TMEM171: variants seen among roughly 807,000 people sequenced by gnomAD.
TMEM171 encodes transmembrane protein 171, also known as proline-rich protein PRP2.
TMEM171 carries 16 observed loss-of-function variants against 19.1 expected under a neutral mutation model. The ratio of observed to expected loss-of-function variants is 0.84; its 90% CI spans 0.57 to 1.27. The LOEUF is 1.27. Ranked by LOEUF, TMEM171 falls within the 50% of genes most tolerant of loss-of-function variation. TMEM171 has a pLI of 0.00. For synonymous variants in TMEM171, 153 were observed against 163.4 expected, an observed-to-expected ratio of 0.94 and a Z score of 0.48; for missense variants, 429 against 412.7, an observed-to-expected ratio of 1.04 and a Z score of -0.34.
intron 3 of TMEM171, among the ~76,000 whole-genome samples, chr5:73,130,448 C>T (rs1744302055): frequency 6.6e-6 from 1 of 152,152 alleles, no homozygotes; most frequent in Admixed American, 6.5e-5. Context: ...CAGTGAGCAG[C>T]AGGCACAGAG....
Position 73,120,678 on chromosome 5 carries a change from G to C in TMEM171, c.-87G>C. The C allele has an allele frequency of 1.0e-6, 1 of 984,304 alleles. No individual in the cohort carries two copies. Among genetic ancestry groups the C allele is most frequent in the South Asian group, 4.7e-5 (1 of 21,294 alleles). The allele number at this position is 984,304 out of a possible 1,614,324, so 61.0% of individuals were successfully genotyped here. A position where few individuals can be genotyped will look rare whatever the true frequency, so the allele number is the denominator to read the frequency against. On this transcript the variant is annotated 5_prime_UTR_variant, in exon 1 of 4. Transcript: ENST00000454765. ...TGCCCACAGCAGCGCGGTCAGCCAG[G>C]CGCCGGACCCAGCTTCAGGTAAGCT...
At chr5:73,121,972 T>C (rs1744018670) in intron 1 of TMEM171, among the ~76,000 whole-genome samples, 1 of 152,224 alleles carries the variant, frequency 6.6e-6, no homozygotes, top group South Asian at 2.1e-4. Context: ...ATCCCATTCA[T>C]TGGAGTAAAA....
chr5:73,127,562 G>A (rs1220508071), intron 2 of TMEM171, among the ~76,000 whole-genome samples: 5 of 150,498 alleles, frequency 3.3e-5, no homozygotes, highest in East Asian at 2.0e-4. Flanking sequence ...TCAGCCTCCC[G>A]AATAGCTGGG....
In TMEM171 at chr5:73,127,743, C is replaced by CT. The variant is rs1227330280; in HGVS notation, c.641-632dup. On this transcript the variant is annotated intron_variant, in intron 2 of 3. Coordinates refer to ENST00000454765, the MANE Select transcript of TMEM171 (RefSeq NM_173490.8). ...TACAGGCGTGAGCCACCACGCCTGGCTTTTTTTTTTTTTTTAAGACAGGGT... is the reference window on the plus strand; with the variant it reads ...TACAGGCGTGAGCCACCACGCCTGGCTTTTTTTTTTTTTTTTAAGACAGGGT... 6.9e-3 allele frequency among the ~76,000 whole-genome samples: 945 copies of CT among 136,426 alleles called. 7 individuals are homozygous for CT. Among genetic ancestry groups the CT allele is most frequent in the African/African-American group, 0.02 (738 of 36,814 alleles). 89.5% of individuals were successfully genotyped at this position (136,426 alleles called of 152,430 possible).
chr5:73,122,068 T>C (rs1744020558), intron 1 of TMEM171, among the ~76,000 whole-genome samples: 1 of 152,224 alleles, frequency 6.6e-6, no homozygotes. Context: ...ATTATACCCC[T>C]GAAGTACAGG....
rs766884894 is a variant in TMEM171, at chr5:73,131,607, G to A, written c.852G>A (p.Thr284=). 12 of 1,613,336 alleles carry A rather than the reference G, an allele frequency of 7.4e-6. No homozygotes were observed. Among genetic ancestry groups the A allele is most frequent in the Non-Finnish European group, 5.1e-6 (6 of 1,179,842 alleles). ...AATCTATATATACCATTTCTGGGAC[G>A]AATTCATCTTCTGAGGCCTCACACA... ...DCESIYTISG[T]NSSSEASHTP... is the part of the protein sequence containing the mutation. Residue 284 remains threonine, a synonymous_variant, in exon 4 of 4, where the codon ACG becomes ACA. Transcript: ENST00000454765.
chr5:73,123,592 T>C lies in TMEM171; in HGVS notation c.219T>C (p.Ala73=), dbSNP rs776319271. The part of the protein sequence containing the change: ...GPACAVVGLG[A]VILARSRAQL... ...CATGTGCCGTGGTTGGGCTTGGGGC[T>C]GTGATCCTGGCCCGCTCCCGGGCGC... The change falls in exon 2 of 4, where the codon GCT becomes GCC. Residue 73 remains alanine (A), a synonymous_variant. Transcript: ENST00000454765. The C allele has an allele frequency of 6.2e-7, 1 of 1,614,198 alleles. No individual in the cohort carries two copies. The highest frequency in any genetic ancestry group is 1.1e-5 in the South Asian group (1 of 91,082).
intron 2 of TMEM171, among the ~76,000 whole-genome samples, chr5:73,127,384 A>AAAAAAAAAAT: frequency 2.4e-5 from 2 of 81,696 alleles, no homozygotes; most frequent in South Asian, 4.4e-4. Context: ...AAAAAAAAAA[A>AAAAAAAAAAT]ATATATATAT....
intron 3 of TMEM171, among the ~76,000 whole-genome samples, chr5:73,130,926 C>G (rs1744337767): frequency 6.6e-6 from 1 of 152,126 alleles, no homozygotes; most frequent in Admixed American, 6.5e-5. Flanking sequence ...TCTGGCTTTT[C>G]TTGCATTAGT....
chr5:73,121,735 GCCTGT>G (rs1397620622), intron 1 of TMEM171, among the ~76,000 whole-genome samples: 2 of 151,834 alleles, frequency 1.3e-5, no homozygotes, highest in African/African-American at 2.4e-5. Context: ...GTGTAAGATT[GCCTGT>G]TTGCTTTCTT....
chr5:73,121,876 C>A (rs1311761931), intron 1 of TMEM171, among the ~76,000 whole-genome samples: 3 of 152,152 alleles, frequency 2.0e-5, no homozygotes, highest in South Asian at 2.1e-4. Context: ...TAAAAGTTTT[C>A]TTTCCTTGGG....
In TMEM171 at chr5:73,123,734, A is replaced by T; in HGVS notation, c.361A>T (p.Thr121Ser). The change falls in exon 2 of 4, where the codon ACA (threonine) becomes TCA (serine). Residue 121 changes from threonine to serine, a missense_variant. Coordinates refer to ENST00000454765, the MANE Select transcript of TMEM171 (RefSeq NM_173490.8). ...QCLIFGFLFL[T>S]SGMLISVLGI... ...CCTTATCTTTGGGTTTCTGTTCTTGACAAGCGGCATGCTCATCAGCGTCCT... is the reference window on the plus strand; with the variant it reads ...CCTTATCTTTGGGTTTCTGTTCTTGTCAAGCGGCATGCTCATCAGCGTCCT... The T allele has an allele frequency of 6.2e-7, 1 of 1,614,134 alleles. No individual in the cohort carries two copies. Among genetic ancestry groups the T allele is most frequent in the East Asian group, 2.2e-5 (1 of 44,872 alleles).
At chr5:73,127,846 T>A (rs1210079292) in intron 2 of TMEM171, among the ~76,000 whole-genome samples, 1 of 151,790 alleles carries the variant, frequency 6.6e-6, no homozygotes, top group Admixed American at 6.6e-5. Flanking sequence ...GCTCAAGCAG[T>A]CCTCCTATCT....
At position 73,123,886 on chromosome 5, in the gene TMEM171, G is replaced by A. The variant is rs747853721; in HGVS notation, c.513G>A (p.Val171=). The A allele has an allele frequency of 6.2e-7, 1 of 1,614,104 alleles. No individual in the cohort carries two copies. The highest frequency in any genetic ancestry group is 8.5e-7 in the Non-Finnish European group (1 of 1,180,000). Residue 171 remains valine (V), a synonymous_variant, in exon 2 of 4, where the codon GTG becomes GTA. Transcript: ENST00000454765. Reference sequence around the variant, plus strand: ...TGCAGATCATGGGGCCCTTGATTGTGCTTGTGGGATTGTGTTTCTTCGTGG... The same window carrying A: ...TGCAGATCATGGGGCCCTTGATTGTACTTGTGGGATTGTGTTTCTTCGTGG... The part of the protein sequence containing the change: ...LSLQIMGPLI[V]LVGLCFFVVA...
intron 3 of TMEM171, among the ~76,000 whole-genome samples, chr5:73,129,938 C>G (rs1275495935): frequency 6.6e-6 from 1 of 152,194 alleles, no homozygotes; most frequent in East Asian, 1.9e-4. Flanking sequence ...GAGGCAGGCT[C>G]TAGTGGGACG....
chr5:73,127,730 C>G (rs1744213586), intron 2 of TMEM171, among the ~76,000 whole-genome samples: 1 of 150,170 alleles, frequency 6.7e-6, no homozygotes, highest in Non-Finnish European at 1.5e-5. Flanking sequence ...CAGGCGTGAG[C>G]CACCACGCCT....
Position 73,120,681 on chromosome 5 carries a change from C to G in TMEM171, c.-84C>G, listed in dbSNP as rs1743981046. 2 of 984,156 alleles carry G rather than the reference C, an allele frequency of 2.0e-6. No individual in the cohort carries two copies. The highest frequency in any genetic ancestry group is 1.2e-6 in the Non-Finnish European group (1 of 829,644). The allele number at this position is 984,156 out of a possible 1,614,324, so 61.0% of individuals were successfully genotyped here. A position where few individuals can be genotyped will look rare whatever the true frequency, so the allele number is the denominator to read the frequency against. Reference sequence around the variant, plus strand: ...CCACAGCAGCGCGGTCAGCCAGGCGCCGGACCCAGCTTCAGGTAAGCTGCC... The same window carrying G: ...CCACAGCAGCGCGGTCAGCCAGGCGGCGGACCCAGCTTCAGGTAAGCTGCC... On this transcript the variant is annotated 5_prime_UTR_variant, in exon 1 of 4. Coordinates refer to ENST00000454765, the MANE Select transcript of TMEM171 (RefSeq NM_173490.8).
At chr5:73,129,624 C>T (rs1476664374) in intron 3 of TMEM171, among the ~76,000 whole-genome samples, 2 of 152,284 alleles carry the variant, frequency 1.3e-5, no homozygotes, top group African/African-American at 4.8e-5. Context: ...CAGAGAGAGA[C>T]TCTATCTCAG....
intron 2 of TMEM171, 131 bp from the exon 3 acceptor site, chr5:73,128,259 A>G (rs1026306791): frequency 4.6e-6 from 5 of 1,077,128 alleles, no homozygotes; most frequent in Non-Finnish European, 6.8e-6. Flanking sequence ...GCTTACTTTT[A>G]AATTTTGGAG....
Sources: gnomAD v4.1 joint callset for allele counts (sites outside exome capture counted in the v4.1 genomes callset) on GRCh38, gnomAD v4.1.1 for gene constraint, MANE v1.5 for transcripts, NCBI Gene and HGNC (gene_info 2026-07-23, HGNC 2026-07-21) for gene names.